Variants in GPR137B observed in about 807,000 individuals in gnomAD.
The protein encoded by GPR137B is integral membrane protein GPR137B.
In GPR137B, 42 loss-of-function variants were observed where a neutral mutation model predicts 42.5. The observed-to-expected ratio is 0.99, with a 90% confidence interval of 0.77 to 1.28. The LOEUF (loss-of-function observed/expected upper bound fraction) is 1.28, where lower values mean the gene tolerates loss of function less well. Among genes scored for constraint, GPR137B ranks in the 50% most tolerant of loss-of-function variants. GPR137B has a pLI of 0.00. For missense variants in GPR137B, 487 were observed against 493.9 expected (o/e 0.99, Z 0.13); for synonymous variants, 218 against 209.7 (o/e 1.04, Z -0.34).
chr1:236,193,647 T>C (rs996126464), intron 5 of GPR137B, among the ~76,000 whole-genome samples: 5 of 152,244 alleles, frequency 3.3e-5, no homozygotes, highest in African/African-American at 1.2e-4. Flanking sequence ...TTTTGTGTGC[T>C]TAGTGGTCAT....
In GPR137B at chr1:236,161,091, G is replaced by A. The variant is rs113082057; in HGVS notation, c.415-7615G>A. On this transcript the variant is annotated intron_variant, in intron 1 of 6. Coordinates refer to ENST00000366592, the MANE Select transcript of GPR137B (RefSeq NM_003272.4). ...TGGTCACCCTCCAATTCCCCGCCAC[G>A]CCCTCCAGGCCCAGGCATCATGAAT... Among the ~76,000 whole-genome samples, 20 of 151,922 alleles carry A rather than the reference G, an allele frequency of 1.3e-4. 2 individuals carry two copies. The highest frequency in any genetic ancestry group is 9.8e-4 in the Admixed American group (15 of 15,262).
chr1:236,166,238 A>C (rs1450200993), intron 1 of GPR137B, among the ~76,000 whole-genome samples: 1 of 152,070 alleles, frequency 6.6e-6, no homozygotes, highest in Non-Finnish European at 1.5e-5. Context: ...ATATTTTGTA[A>C]TGGAACTTTG....
At position 236,176,398 on chromosome 1, in the gene GPR137B, G is replaced by A. The variant is rs115442786; in HGVS notation, c.465-2016G>A. Reference sequence around the variant, plus strand: ...GTGGCGGGTCCCCTCCTGCATGTCCGACTCGCTCATCTCTCCGATGCAAGT... The same window carrying A: ...GTGGCGGGTCCCCTCCTGCATGTCCAACTCGCTCATCTCTCCGATGCAAGT... On this transcript the variant is annotated intron_variant, in intron 2 of 6. Coordinates refer to ENST00000366592, the MANE Select transcript of GPR137B (RefSeq NM_003272.4). Among the ~76,000 whole-genome samples the A allele has an allele frequency of 9.7e-3, 1,483 of 152,136 alleles. 31 individuals carry two copies. The highest frequency in any genetic ancestry group is 0.034 in the African/African-American group (1,416 of 41,496).
intron 1 of GPR137B, among the ~76,000 whole-genome samples, 180 bp downstream of exon 1, chr1:236,143,216 G>A (rs1661581643): frequency 6.6e-6 from 1 of 152,242 alleles, no homozygotes; most frequent in Admixed American, 6.5e-5. Context: ...TTTGTCATAG[G>A]AAACCCCCTG....
intron 2 of GPR137B, among the ~76,000 whole-genome samples, chr1:236,174,036 C>T (rs1662619028): frequency 6.6e-6 from 1 of 152,196 alleles, no homozygotes; most frequent in African/African-American, 2.4e-5. Context: ...ATAAACCCCC[C>T]TCCAGCCCTA....
intron 1 of GPR137B, among the ~76,000 whole-genome samples, chr1:236,168,345 C>T (rs951430100): frequency 1.6e-4 from 24 of 151,702 alleles, no homozygotes; most frequent in African/African-American, 5.6e-4. Context: ...ATCACTTGAA[C>T]CCGGGAGGCA....
In GPR137B at chr1:236,208,214, A is replaced by T. The variant is rs1277989404; in HGVS notation, c.*56A>T. The T allele has an allele frequency of 6.3e-7, 1 of 1,578,508 alleles. No individual in the cohort carries two copies. Among genetic ancestry groups the T allele is most frequent in the East Asian group, 2.3e-5 (1 of 44,124 alleles). On this transcript the variant is annotated 3_prime_UTR_variant, in exon 7 of 7. Coordinates refer to ENST00000366592, the MANE Select transcript of GPR137B (RefSeq NM_003272.4). ...CAGATGAAAAGCTTCAGAAAAGCAT[A>T]GTGACAGCTGAATTTTTAGGGCACT...
chr1:236,169,255 G>A (rs1662462888), intron 2 of GPR137B, among the ~76,000 whole-genome samples: 1 of 151,624 alleles, frequency 6.6e-6, no homozygotes, highest in South Asian at 2.1e-4. Context: ...TGCAGGTGCA[G>A]CTGTGGCAGG....
chr1:236,145,077 C>T (rs1661645679), intron 1 of GPR137B, among the ~76,000 whole-genome samples: 1 of 152,226 alleles, frequency 6.6e-6, no homozygotes, highest in Admixed American at 6.5e-5. Flanking sequence ...AAAGGCTTTT[C>T]GCCTGAGGGC....
intron 5 of GPR137B, among the ~76,000 whole-genome samples, chr1:236,196,977 C>G (rs757307778): frequency 6.6e-6 from 1 of 152,098 alleles, no homozygotes; most frequent in Non-Finnish European, 1.5e-5. Context: ...TGGGTAGATA[C>G]CCAGTAAGTG....
chr1:236,172,929 C>T (rs1037781094), intron 2 of GPR137B, among the ~76,000 whole-genome samples: 1 of 151,302 alleles, frequency 6.6e-6, no homozygotes, highest in Non-Finnish European at 1.5e-5. Context: ...TGGACTCAAG[C>T]GACTCTCCCG....
At chr1:236,172,197 ACATCTTTAGTCT>A in intron 2 of GPR137B, among the ~76,000 whole-genome samples, 1 of 152,340 alleles carries the variant, frequency 6.6e-6, no homozygotes, top group Non-Finnish European at 1.5e-5. Context: ...CTGTGTAGGC[ACATCTTTAGTCT>A]CATCTATAGA....
At chr1:236,160,193 G>A (rs1331078425) in intron 1 of GPR137B, among the ~76,000 whole-genome samples, 1 of 152,188 alleles carries the variant, frequency 6.6e-6, no homozygotes, top group Non-Finnish European at 1.5e-5. Context: ...CTTCAGGCCT[G>A]ATTCTGCTCC....
intron 5 of GPR137B, among the ~76,000 whole-genome samples, chr1:236,203,599 T>C (rs185167338): frequency 2.0e-5 from 3 of 152,312 alleles, no homozygotes; most frequent in Non-Finnish European, 2.9e-5. Flanking sequence ...AATCTGTAGA[T>C]TGCTTTGGGT....
intron 4 of GPR137B, 31 bp downstream of exon 4, chr1:236,180,059 G>A: frequency 1.3e-6 from 2 of 1,592,084 alleles, no homozygotes; most frequent in South Asian, 1.1e-5. Context: ...GGTGTCACCT[G>A]ACCAGGGACT....
intron 5 of GPR137B, among the ~76,000 whole-genome samples, chr1:236,204,264 G>T (rs1473722039): frequency 6.6e-6 from 1 of 152,108 alleles, no homozygotes; most frequent in Non-Finnish European, 1.5e-5. Context: ...ATCCCACTTA[G>T]TCATGATGAA....
intron 6 of GPR137B, among the ~76,000 whole-genome samples, chr1:236,206,605 G>T (rs1171889550): frequency 2.6e-5 from 4 of 152,162 alleles, no homozygotes; most frequent in Admixed American, 6.5e-5. Flanking sequence ...TCAGTGAATT[G>T]GGAAGGCAAA....
intron 5 of GPR137B, among the ~76,000 whole-genome samples, chr1:236,196,247 C>G (rs1663326649): frequency 1.3e-5 from 2 of 152,084 alleles, no homozygotes; most frequent in Non-Finnish European, 2.9e-5. Context: ...TCAAGTGATT[C>G]TCCTGCGTCA....
chr1:236,187,471 G>GT (rs1473737400), intron 5 of GPR137B, among the ~76,000 whole-genome samples: 1 of 151,996 alleles, frequency 6.6e-6, no homozygotes, highest in Non-Finnish European at 1.5e-5. Context: ...TAGGTCTTAC[G>GT]TTTAAGTCTT....
Sources: gnomAD v4.1 joint callset for allele counts (sites outside exome capture counted in the v4.1 genomes callset) on GRCh38, gnomAD v4.1.1 for gene constraint, MANE v1.5 for transcripts, NCBI Gene and HGNC (gene_info 2026-07-23, HGNC 2026-07-21) for gene names.